ALG5: variants seen among roughly 807,000 people sequenced by gnomAD.
ALG5 encodes the protein dolichyl-phosphate beta-glucosyltransferase.
ALG5 carries 26 observed loss-of-function variants against 51.8 expected under a neutral mutation model. The observed-to-expected ratio is 0.50, with a 90% confidence interval of 0.37 to 0.70. The LOEUF (loss-of-function observed/expected upper bound fraction) is 0.70, where lower values mean the gene tolerates loss of function less well. Among genes scored for constraint, ALG5 ranks in the 30% least tolerant of loss-of-function variants. The probability of loss-of-function intolerance (pLI) is 0.00; values close to 1 mark genes in which losing one functional copy is unlikely to be tolerated. For missense variants in ALG5, 311 were observed against 399.3 expected, an observed-to-expected ratio of 0.78 and a Z score of 1.88; for synonymous variants, 141 against 136.1, an observed-to-expected ratio of 1.04 and a Z score of -0.25.
chr13:36,956,387 A>G (rs1182046215), intron 8 of ALG5, among the ~76,000 whole-genome samples: 4 of 152,208 alleles, frequency 2.6e-5, no homozygotes, highest in Admixed American at 6.5e-5. Context: ...TGAGAATGTA[A>G]ATTAGTATAG....
intron 6 of ALG5, among the ~76,000 whole-genome samples, chr13:36,975,759 A>G (rs2058947313): frequency 6.6e-6 from 1 of 152,092 alleles, no homozygotes; most frequent in Non-Finnish European, 1.5e-5. Flanking sequence ...AAGGTTCTTT[A>G]CCTGTAATCC....
At chr13:36,979,993 G>A (rs1275491060) in intron 6 of ALG5, among the ~76,000 whole-genome samples, 2 of 152,146 alleles carry the variant, frequency 1.3e-5, no homozygotes, top group Non-Finnish European at 2.9e-5. Context: ...GTTGCAGTGA[G>A]CCAAGATCGC....
At chr13:36,994,448 A>T (rs2059039695) in intron 3 of ALG5, among the ~76,000 whole-genome samples, 1 of 152,146 alleles carries the variant, frequency 6.6e-6, no homozygotes, top group Non-Finnish European at 1.5e-5. Context: ...ACAGGAAGAA[A>T]ATGTGAGGGG....
intron 8 of ALG5, among the ~76,000 whole-genome samples, chr13:36,959,337 G>A (rs971454507): frequency 6.6e-6 from 1 of 152,060 alleles, no homozygotes. Context: ...TTTCAAAATT[G>A]CTAAGATAGT....
At chr13:36,960,448 A>C (rs2058860672) in intron 8 of ALG5, among the ~76,000 whole-genome samples, 1 of 152,170 alleles carries the variant, frequency 6.6e-6, no homozygotes, top group African/African-American at 2.4e-5. Flanking sequence ...TTAATATATA[A>C]AATTATAACA....
chr13:36,954,271 CTTT>C (rs869222562), intron 8 of ALG5, among the ~76,000 whole-genome samples: 1 of 125,666 alleles, frequency 8.0e-6, no homozygotes, highest in East Asian at 2.6e-4. Context: ...TTATCTTCTT[CTTT>C]TCTAGTTTTG....
intron 1 of ALG5, 113 bp downstream of exon 1, chr13:36,999,122 G>C (rs996413156): frequency 1.0e-6 from 1 of 988,256 alleles, no homozygotes; most frequent in African/African-American, 1.7e-5. Flanking sequence ...GAATCTAGGG[G>C]AAAAGGGACT....
chr13:36,984,720 A>T (rs1434703492), intron 6 of ALG5, among the ~76,000 whole-genome samples: 1 of 152,130 alleles, frequency 6.6e-6, no homozygotes, highest in East Asian at 1.9e-4. Flanking sequence ...CCTGAGTATT[A>T]TATCTGGACT....
At chr13:36,972,825 T>C (rs2058931286) in intron 6 of ALG5, among the ~76,000 whole-genome samples, 1 of 151,876 alleles carries the variant, frequency 6.6e-6, no homozygotes, top group Non-Finnish European at 1.5e-5. Context: ...ACCCCGTCTC[T>C]ACTAAAAATT....
chr13:36,975,283 C>T lies in ALG5; in HGVS notation c.562-3247G>A, dbSNP rs569200415. Among the ~76,000 whole-genome samples, 9 of 152,262 alleles carry T rather than the reference C, an allele frequency of 5.9e-5. No homozygotes were observed. The South Asian group carries it at 8.3e-4, about 14-fold the overall frequency. ...TATTTCTTTTATCTGTGGGTTCTCC[C>T]GACCTCTTTAAATTTTTTTCTTGTA... On this transcript the variant is annotated intron_variant, in intron 6 of 9. Transcript: ENST00000239891.
rs548279667 is a variant in ALG5, at chr13:36,991,676, T to C, written c.354+1928A>G. 6.6e-5 allele frequency among the ~76,000 whole-genome samples: 10 copies of C among 152,316 alleles called. No individual in the cohort carries two copies. In the South Asian group the frequency reaches 1.7e-3, roughly 25 times the overall value. ...GTCACTAAGTTCTAGCTTGTGAACT[T>C]TGGGTGTGGGCTTTAGTAGAGGGAG... On this transcript the variant is annotated intron_variant, in intron 4 of 9. Coordinates refer to ENST00000239891, the MANE Select transcript of ALG5 (RefSeq NM_013338.5).
chr13:36,979,542 C>T (rs1162905246), intron 6 of ALG5, among the ~76,000 whole-genome samples: 3 of 152,136 alleles, frequency 2.0e-5, no homozygotes, highest in African/African-American at 7.2e-5. Flanking sequence ...AAAACTAGAA[C>T]TGGCCAAGGA....
chr13:36,963,197 C>T (rs2058876148), intron 8 of ALG5, among the ~76,000 whole-genome samples: 1 of 152,164 alleles, frequency 6.6e-6, no homozygotes, highest in Non-Finnish European at 1.5e-5. Flanking sequence ...GTGATCCTCC[C>T]CACCTTGGCC....
At chr13:36,954,228 T>A (rs2058830246) in intron 8 of ALG5, among the ~76,000 whole-genome samples, 1 of 151,066 alleles carries the variant, frequency 6.6e-6, no homozygotes, top group Non-Finnish European at 1.5e-5. Flanking sequence ...TCTGGGAGCA[T>A]AGGCCCAGAT....
At chr13:36,972,430 G>T (rs1317333017) in intron 6 of ALG5, among the ~76,000 whole-genome samples, 1 of 151,886 alleles carries the variant, frequency 6.6e-6, no homozygotes, top group African/African-American at 2.4e-5. Flanking sequence ...TAGAAACAAA[G>T]AATTTTAAAA....
chr13:36,950,662 C>T (rs1294243180), intron 9 of ALG5, among the ~76,000 whole-genome samples: 1 of 151,902 alleles, frequency 6.6e-6, no homozygotes, highest in African/African-American at 2.4e-5. Flanking sequence ...TCACTGTAAC[C>T]TTGACCTCCC....
intron 8 of ALG5, among the ~76,000 whole-genome samples, chr13:36,962,770 C>T (rs2058873771): frequency 6.6e-6 from 1 of 152,080 alleles, no homozygotes; most frequent in East Asian, 1.9e-4. Flanking sequence ...ATACAACAGC[C>T]CCTCAGCACA....
intron 6 of ALG5, among the ~76,000 whole-genome samples, chr13:36,973,897 C>T (rs1475224139): frequency 1.3e-5 from 2 of 152,110 alleles, no homozygotes; most frequent in East Asian, 1.9e-4. Flanking sequence ...ATACTGTGCC[C>T]GCACACTCTC....
chr13:36,968,527 C>G (rs773663818), intron 7 of ALG5, among the ~76,000 whole-genome samples: 2 of 152,234 alleles, frequency 1.3e-5, no homozygotes, highest in Middle Eastern at 3.4e-3. Context: ...TTATACAGAA[C>G]ACATGGGAAT....
Sources: gnomAD v4.1 joint callset for allele counts (sites outside exome capture counted in the v4.1 genomes callset) on GRCh38, gnomAD v4.1.1 for gene constraint, MANE v1.5 for transcripts, NCBI Gene and HGNC (gene_info 2026-07-23, HGNC 2026-07-21) for gene names.